ADGRL3: variants seen among roughly 807,000 people sequenced by gnomAD.
The protein encoded by ADGRL3 is calcium-independent alpha-latrotoxin receptor 3.
ADGRL3 carries 62 observed loss-of-function variants against 153.5 expected under a neutral mutation model. The ratio of observed to expected loss-of-function variants is 0.40; its 90% CI spans 0.33 to 0.50. The LOEUF is 0.50. Ranked by LOEUF, ADGRL3 falls within the 20% of genes least tolerant of loss-of-function variation. The pLI is 0.47. For synonymous variants in ADGRL3, 710 were observed against 672.5 expected (o/e 1.06, Z -0.86); for missense variants, 1,641 against 1,859.4 (o/e 0.88, Z 2.16).
chr4:62,017,165 A>AGGTTTATAC (rs1202041855), intron 21 of ADGRL3, among the ~76,000 whole-genome samples: 2 of 152,044 alleles, frequency 1.3e-5, no homozygotes, highest in African/African-American at 4.8e-5. Flanking sequence ...TATACTTCTA[A>AGGTTTATAC]GGTTTATACC....
chr4:61,635,054 C>G (rs2093356725), intron 5 of ADGRL3, among the ~76,000 whole-genome samples: 1 of 152,106 alleles, frequency 6.6e-6, no homozygotes, highest in Admixed American at 6.6e-5. Flanking sequence ...ACTGAGTCTA[C>G]TGTAGTCTCA....
chr4:61,977,232 A>T (rs1048578484), intron 17 of ADGRL3, among the ~76,000 whole-genome samples: 111 of 143,202 alleles, frequency 7.8e-4, no homozygotes, highest in African/African-American at 2.5e-3. Context: ...TTTTTTTTTT[A>T]AAGGTGTTTC....
chr4:61,534,172 A>G (rs2098640819), intron 4 of ADGRL3, among the ~76,000 whole-genome samples: 1 of 152,184 alleles, frequency 6.6e-6, no homozygotes, highest in Non-Finnish European at 1.5e-5. Flanking sequence ...ATGGCTAGCC[A>G]GCTTTCCCAG....
At chr4:61,589,758 G>T (rs2098961852) in intron 5 of ADGRL3, among the ~76,000 whole-genome samples, 2 of 152,020 alleles carry the variant, frequency 1.3e-5, no homozygotes, top group Non-Finnish European at 2.9e-5. Flanking sequence ...GGCAAGGAGA[G>T]ATATGAAATG....
chr4:61,328,631 G>A (rs1006124942), intron 1 of ADGRL3, among the ~76,000 whole-genome samples: 2 of 151,972 alleles, frequency 1.3e-5, no homozygotes, highest in African/African-American at 4.8e-5. Context: ...TTTTATTAAC[G>A]ATTAATTTGA....
intron 21 of ADGRL3, among the ~76,000 whole-genome samples, chr4:62,015,749 G>T (rs2099208317): frequency 6.6e-6 from 1 of 151,692 alleles, no homozygotes; most frequent in African/African-American, 2.4e-5. Flanking sequence ...CTTCTTTAAT[G>T]GTTTTCATTT....
chr4:61,540,697 T>C (rs1045584565), intron 4 of ADGRL3, among the ~76,000 whole-genome samples: 1 of 152,210 alleles, frequency 6.6e-6, no homozygotes, highest in African/African-American at 2.4e-5. Context: ...AGGGACAATA[T>C]TTGAGAATAG....
chr4:61,867,840 T>G lies in ADGRL3; in HGVS notation c.1481-24816T>G, dbSNP rs532850965. ...ATCCTTTCATCTTCTTGTTAATAGATAGCATAGATGTATCACACTTTTTAT... is the reference window on the plus strand; with the variant it reads ...ATCCTTTCATCTTCTTGTTAATAGAGAGCATAGATGTATCACACTTTTTAT... On this transcript the variant is annotated intron_variant, in intron 9 of 26. Transcript: ENST00000683033. Among the ~76,000 whole-genome samples the G allele has an allele frequency of 7.8e-4, 119 of 152,118 alleles. 1 individual carries two copies. Among genetic ancestry groups the G allele is most frequent in the African/African-American group, 2.5e-3 (105 of 41,538 alleles).
intron 19 of ADGRL3, among the ~76,000 whole-genome samples, chr4:61,993,414 C>G (rs991038218): frequency 6.7e-6 from 1 of 149,922 alleles, no homozygotes; most frequent in African/African-American, 2.5e-5. Flanking sequence ...GCCTCAGCCT[C>G]CCGATTAGCT....
At chr4:61,303,302 G>C (rs1204215713) in intron 1 of ADGRL3, among the ~76,000 whole-genome samples, 2 of 152,150 alleles carry the variant, frequency 1.3e-5, no homozygotes, top group Non-Finnish European at 2.9e-5. Context: ...CTGTATCACA[G>C]TTTATTCTTC....
chr4:61,850,546 T>C (rs1445287230), intron 9 of ADGRL3, among the ~76,000 whole-genome samples: 2 of 152,208 alleles, frequency 1.3e-5, no homozygotes, highest in Non-Finnish European at 2.9e-5. Context: ...CTGTGTCTAA[T>C]TTCTGTAGGC....
At chr4:61,957,605 T>C (rs979043137) in intron 17 of ADGRL3, among the ~76,000 whole-genome samples, 5 of 151,072 alleles carry the variant, frequency 3.3e-5, no homozygotes, top group African/African-American at 1.2e-4. Flanking sequence ...GTTTTGCTCT[T>C]GTTGCCCAGG....
At chr4:61,909,038 A>G (rs1394307932) in intron 11 of ADGRL3, among the ~76,000 whole-genome samples, 1 of 152,208 alleles carries the variant, frequency 6.6e-6, no homozygotes, top group Admixed American at 6.5e-5. Flanking sequence ...GCATACTGGG[A>G]GCAAAATTCC....
chr4:61,809,872 C>T (rs2097590010), intron 8 of ADGRL3, among the ~76,000 whole-genome samples: 1 of 152,022 alleles, frequency 6.6e-6, no homozygotes, highest in South Asian at 2.1e-4. Context: ...GTTTTAATTA[C>T]TACCTACGTA....
intron 1 of ADGRL3, among the ~76,000 whole-genome samples, chr4:61,364,620 A>G (rs2096361360): frequency 6.6e-6 from 1 of 152,278 alleles, no homozygotes; most frequent in East Asian, 1.9e-4. Flanking sequence ...AAAACAGCAG[A>G]TTTAGAATAA....
chr4:61,226,392 A>G (rs1438170152), intron 1 of ADGRL3, among the ~76,000 whole-genome samples: 1 of 152,188 alleles, frequency 6.6e-6, no homozygotes, highest in East Asian at 1.9e-4. Flanking sequence ...GAGACAAGAA[A>G]AATCTCTGTT....
At chr4:61,682,805 T>C (rs546795595) in intron 6 of ADGRL3, among the ~76,000 whole-genome samples, 94 of 152,240 alleles carry the variant, frequency 6.2e-4, no homozygotes, top group African/African-American at 2.2e-3. Context: ...TTATATTACT[T>C]GCTTGTGAGA....
intron 6 of ADGRL3, chr4:61,677,423 A>G: frequency 2.4e-6 from 1 of 410,232 alleles, no homozygotes; most frequent in Non-Finnish European, 4.7e-6. Context: ...AGATTAAAAG[A>G]ACTTGAAGTA....
chr4:61,762,849 T>A (rs2096928884), intron 8 of ADGRL3, among the ~76,000 whole-genome samples: 1 of 152,168 alleles, frequency 6.6e-6, no homozygotes, highest in South Asian at 2.1e-4. Flanking sequence ...GCTTATAATG[T>A]TGTCTCATTT....
Sources: gnomAD v4.1 joint callset for allele counts (sites outside exome capture counted in the v4.1 genomes callset) on GRCh38, gnomAD v4.1.1 for gene constraint, MANE v1.5 for transcripts, NCBI Gene and HGNC (gene_info 2026-07-23, HGNC 2026-07-21) for gene names.